Variants in CMSS1 observed in about 807,000 individuals in gnomAD.
CMSS1 encodes cms1 ribosomal small subunit homolog, also known as protein CMSS1.
CMSS1 carries 33 observed loss-of-function variants against 43.5 expected under a neutral mutation model. That is an observed-to-expected ratio of 0.76 (90% CI 0.57 to 1.01). The LOEUF is 1.01. CMSS1 is among the 50% of genes least tolerant of loss of function. The probability of loss-of-function intolerance (pLI) is 0.00; values close to 1 mark genes in which losing one functional copy is unlikely to be tolerated. For missense variants in CMSS1, 313 were observed against 326.4 expected (o/e 0.96, Z 0.32); for synonymous variants, 115 against 117.2 (o/e 0.98, Z 0.12).
At chr3:99,826,663 AT>A (rs1266107909) in intron 1 of CMSS1, among the ~76,000 whole-genome samples, 1 of 152,218 alleles carries the variant, frequency 6.6e-6, no homozygotes, top group Non-Finnish European at 1.5e-5. Context: ...TTTGAAACAA[AT>A]CCAGAGAGAA....
intron 1 of CMSS1, among the ~76,000 whole-genome samples, chr3:99,926,707 T>C (rs970884984): frequency 4.6e-5 from 7 of 152,232 alleles, no homozygotes; most frequent in African/African-American, 1.7e-4. Context: ...CAGTATTTCC[T>C]TGGAGAGCTT....
intron 1 of CMSS1, among the ~76,000 whole-genome samples, chr3:99,998,105 A>G (rs1709734922): frequency 6.6e-6 from 1 of 152,242 alleles, no homozygotes; most frequent in South Asian, 2.1e-4. Flanking sequence ...TGGTGCGGAA[A>G]TTCAGAATCA....
chr3:100,149,489 C>T (rs1251182223), intron 2 of CMSS1, among the ~76,000 whole-genome samples: 2 of 152,216 alleles, frequency 1.3e-5, no homozygotes, highest in Non-Finnish European at 2.9e-5. Flanking sequence ...AAACCTTAAG[C>T]TGTTACTGCC....
At chr3:100,122,479 G>A (rs1345155838) in intron 1 of CMSS1, among the ~76,000 whole-genome samples, 2 of 152,220 alleles carry the variant, frequency 1.3e-5, no homozygotes, top group Non-Finnish European at 2.9e-5. Flanking sequence ...ATGGCAAAGT[G>A]ACAAGGGTAT....
At chr3:99,901,551 AG>A (rs1314360115) in intron 1 of CMSS1, among the ~76,000 whole-genome samples, 2 of 152,234 alleles carry the variant, frequency 1.3e-5, no homozygotes, top group Non-Finnish European at 2.9e-5. Context: ...TCGTCGGGAA[AG>A]CTCACTGTAC....
At chr3:99,937,214 A>G (rs537297448) in intron 1 of CMSS1, among the ~76,000 whole-genome samples, 22 of 152,320 alleles carry the variant, frequency 1.4e-4, no homozygotes, top group Admixed American at 8.5e-4. Flanking sequence ...CTGGGATTAC[A>G]GGTATGAGCC....
chr3:100,070,430 G>A (rs2065741537), intron 1 of CMSS1, among the ~76,000 whole-genome samples: 1 of 112,866 alleles, frequency 8.9e-6, no homozygotes. Context: ...GTTTTACTTA[G>A]GACTTGAATA....
chr3:100,063,026 G>T lies in CMSS1; in HGVS notation c.65-83947G>T, dbSNP rs117206444. On this transcript the variant is annotated intron_variant, in intron 1 of 9. Transcript: ENST00000421999. ...AGGCAAAATTTCTAGGAGTTCTCAG[G>T]CATCCTCAAGATGGCATTTGGAGTT... 6.8e-4 allele frequency among the ~76,000 whole-genome samples: 103 copies of T among 152,292 alleles called. 1 individual carries two copies. The East Asian group carries it at 0.018, about 26-fold the overall frequency.
chr3:99,922,617 ATTGGAAGTAG>A (rs1707159436), intron 1 of CMSS1, among the ~76,000 whole-genome samples: 1 of 152,224 alleles, frequency 6.6e-6, no homozygotes, highest in South Asian at 2.1e-4. Flanking sequence ...TGAAGTATGA[ATTGGAAGTAG>A]TTGAATAAGC....
In CMSS1 at chr3:99,854,767, G is replaced by A. The variant is rs1334746046; in HGVS notation, c.64+36724G>A. ...ATGTGTGTATGTCAGTCTGTCAGTA[G>A]AAGTTAGACTCCATCGTTTTGCTTT... On this transcript the variant is annotated intron_variant, in intron 1 of 9. Transcript: ENST00000421999. 3.3e-5 allele frequency among the ~76,000 whole-genome samples: 5 copies of A among 152,180 alleles called. No individual in the cohort carries two copies. The East Asian group carries it at 9.6e-4, about 29-fold the overall frequency.
At chr3:99,930,834 G>T in intron 1 of CMSS1, 19 of 1,612,516 alleles carry the variant, frequency 1.2e-5, no homozygotes, top group Non-Finnish European at 1.6e-5. Context: ...TCTTCTGCTT[G>T]GTGGCCATTA....
intron 1 of CMSS1, chr3:100,041,513 C>T (rs1559736605): frequency 6.6e-6 from 1 of 151,968 alleles, no homozygotes; most frequent in Non-Finnish European, 1.5e-5. Context: ...TACAAAAAAG[C>T]AAAGAATGTG....
intron 1 of CMSS1, among the ~76,000 whole-genome samples, chr3:100,131,264 C>T (rs890821856): frequency 1.8e-4 from 27 of 152,086 alleles, no homozygotes; most frequent in Admixed American, 2.0e-4. Context: ...CTAGGCATCC[C>T]GATTCTAGGG....
chr3:100,026,848 A>G (rs1484139900), intron 1 of CMSS1, among the ~76,000 whole-genome samples: 1 of 152,086 alleles, frequency 6.6e-6, no homozygotes, highest in Non-Finnish European at 1.5e-5. Flanking sequence ...GTCAGATCAC[A>G]TCGCCCCACT....
chr3:99,887,780 G>A (rs1705956092), intron 1 of CMSS1, among the ~76,000 whole-genome samples: 1 of 152,134 alleles, frequency 6.6e-6, no homozygotes, highest in East Asian at 1.9e-4. Flanking sequence ...TGTCACCCAG[G>A]CTGGAGTGCA....
At chr3:99,999,076 C>T (rs991644385) in intron 1 of CMSS1, among the ~76,000 whole-genome samples, 2 of 152,152 alleles carry the variant, frequency 1.3e-5, no homozygotes, top group Admixed American at 6.5e-5. Context: ...TACCTATATC[C>T]GTCATATATA....
At chr3:100,032,158 G>A (rs544232413) in intron 1 of CMSS1, among the ~76,000 whole-genome samples, 3 of 152,258 alleles carry the variant, frequency 2.0e-5, no homozygotes, top group African/African-American at 7.2e-5. Flanking sequence ...GTTAAAACAT[G>A]GAGTAAAATA....
chr3:100,076,765 G>A (rs575467111), intron 1 of CMSS1, among the ~76,000 whole-genome samples: 116 of 152,240 alleles, frequency 7.6e-4, no homozygotes, highest in African/African-American at 2.5e-3. Flanking sequence ...TTAATGTAAC[G>A]TCTTCTCAGA....
intron 1 of CMSS1, among the ~76,000 whole-genome samples, chr3:99,921,933 T>G (rs1707136289): frequency 6.6e-6 from 1 of 152,214 alleles, no homozygotes; most frequent in African/African-American, 2.4e-5. Flanking sequence ...TTAAATAATC[T>G]TTGCCATCTG....
Sources: allele counts gnomAD v4.1 joint callset (sites outside exome capture counted in the v4.1 genomes callset), GRCh38; gene constraint gnomAD v4.1.1; transcripts MANE v1.5; gene names NCBI Gene and HGNC (gene_info 2026-07-23, HGNC 2026-07-21).